UROS: variants seen among roughly 807,000 people sequenced by gnomAD.
The protein encoded by UROS is uroporphyrinogen III synthase, also known as uroporphyrinogen-III synthase.
UROS carries 18 observed loss-of-function variants against 33.0 expected under a neutral mutation model. That is an observed-to-expected ratio of 0.55 (90% CI 0.38 to 0.81). The LOEUF is 0.81. Among genes scored for constraint, UROS ranks in the 30% least tolerant of loss-of-function variants. The pLI, the probability that UROS is intolerant of heterozygous loss-of-function variation, is 0.00. For missense variants in UROS, 293 were observed against 314.9 expected, an observed-to-expected ratio of 0.93 and a Z score of 0.53; for synonymous variants, 114 against 121.1, an observed-to-expected ratio of 0.94 and a Z score of 0.38.
Position 125,788,855 on chromosome 10 carries a change from C to G in UROS, c.*13G>C. 1 of 1,576,252 alleles carries G rather than the reference C, an allele frequency of 6.3e-7. No individual in the cohort carries two copies. Among genetic ancestry groups the G allele is most frequent in the East Asian group, 2.3e-5 (1 of 43,242 alleles). ...CCAGGGAGGCTGCATGGGGCCAGCG[C>G]TAGGTGGCTGACTCAGCAGCAGCCA... On this transcript the variant is annotated 3_prime_UTR_variant, in exon 10 of 10. Coordinates refer to ENST00000368797, the MANE Select transcript of UROS (RefSeq NM_000375.3).
At chr10:125,803,895 G>A (rs533788224) in intron 6 of UROS, among the ~76,000 whole-genome samples, 1 of 152,260 alleles carries the variant, frequency 6.6e-6, no homozygotes, top group African/African-American at 2.4e-5. Context: ...GCCCTTCTCT[G>A]TGGAGAGGAG....
At position 125,788,875 on chromosome 10, in the gene UROS, C is replaced by A. The variant is rs201139760; in HGVS notation, c.791G>T (p.Cys264Phe). ...GIRKALQPHG[C>F]C ...CAGCGCTAGGTGGCTGACTCAGCAG[C>A]AGCCATGGGGCTGGAGAGCCTTCCT... The change falls in exon 10 of 10, where the codon TGC becomes TTC. Residue 264 changes from cysteine (C) to phenylalanine (F), a missense_variant. Physicochemically the swap from Cys to Phe is radical, Grantham distance 205. Transcript: ENST00000368797. 1.8e-5 allele frequency: 29 copies of A among 1,589,292 alleles called. No individual in the cohort carries two copies. The Admixed American group carries it at 5.2e-4, about 29-fold the overall frequency.
chr10:125,810,975 A>T (rs1162814517), intron 5 of UROS, among the ~76,000 whole-genome samples: 1 of 152,236 alleles, frequency 6.6e-6, no homozygotes, highest in African/African-American at 2.4e-5. Context: ...AACAGGGACC[A>T]GACTGAGTCC....
intron 5 of UROS, among the ~76,000 whole-genome samples, chr10:125,809,571 C>T (rs1045246879): frequency 3.3e-5 from 5 of 151,984 alleles, no homozygotes; most frequent in Non-Finnish European, 7.4e-5. Context: ...TGAATAACAT[C>T]GTTTCATTCA....
At chr10:125,820,882 A>G (rs1361082007) in intron 1 of UROS, among the ~76,000 whole-genome samples, 1 of 152,214 alleles carries the variant, frequency 6.6e-6, no homozygotes. Flanking sequence ...AGTGGTAAGC[A>G]ATCTACTACC....
intron 9 of UROS, 158 bp from the exon 10 acceptor site, chr10:125,789,163 C>A (rs779298332): frequency 2.1e-6 from 3 of 1,420,198 alleles, no homozygotes; most frequent in Non-Finnish European, 2.9e-6. Flanking sequence ...CGATTCTAGC[C>A]CAGCTTCTGA....
chr10:125,790,504 C>G (rs192072278), intron 9 of UROS, among the ~76,000 whole-genome samples: 1 of 152,268 alleles, frequency 6.6e-6, no homozygotes, highest in Admixed American at 6.5e-5. Context: ...AATCGTATGT[C>G]TGATAAAAAG....
intron 3 of UROS, 84 bp downstream of exon 3, chr10:125,816,093 G>T: frequency 7.8e-7 from 1 of 1,276,228 alleles, no homozygotes; most frequent in East Asian, 2.3e-5. Flanking sequence ...AAAATAAGAA[G>T]ACAGTAAAAT....
In UROS at chr10:125,823,243, A is replaced by C; in HGVS notation, c.-241T>G. On this transcript the variant is annotated 5_prime_UTR_variant, in exon 1 of 10. Transcript: ENST00000368797. Reference sequence around the variant, plus strand: ...GTCGCGTGGGTGGCTGCGCGCAGCTAGGCGCTCGCGCATGCGCACCGCCAT... The same window carrying C: ...GTCGCGTGGGTGGCTGCGCGCAGCTCGGCGCTCGCGCATGCGCACCGCCAT... 2.0e-5 allele frequency: 5 copies of C among 255,336 alleles called. No homozygotes were observed. Among genetic ancestry groups the C allele is most frequent in the African/African-American group, 2.2e-5 (1 of 44,598 alleles). 15.8% of individuals were successfully genotyped at this position (255,336 alleles called of 1,614,324 possible).
chr10:125,788,003 G>T (rs971171616), downstream of UROS, among the ~76,000 whole-genome samples: 9 of 152,144 alleles, frequency 5.9e-5, no homozygotes, highest in African/African-American at 2.2e-4. Context: ...CAGAAAAATG[G>T]AACAATAGGA....
chr10:125,803,890 T>C (rs1390781024), intron 6 of UROS, among the ~76,000 whole-genome samples: 1 of 152,248 alleles, frequency 6.6e-6, no homozygotes, highest in Non-Finnish European at 1.5e-5. Context: ...GGCCTGCCCT[T>C]CTCTGTGGAG....
chr10:125,788,877 G>T lies in UROS; in HGVS notation c.789C>A (p.Gly263=), dbSNP rs1850719990. 3.8e-6 allele frequency: 6 copies of T among 1,590,802 alleles called. No individual in the cohort carries two copies. Among genetic ancestry groups the T allele is most frequent in the Non-Finnish European group, 5.1e-6 (6 of 1,170,574 alleles). Residue 263 remains glycine (G), a synonymous_variant, in exon 10 of 10, where the codon GGC becomes GGA. Transcript: ENST00000368797. ...GCGCTAGGTGGCTGACTCAGCAGCA[G>T]CCATGGGGCTGGAGAGCCTTCCTGA... ...TGIRKALQPH[G]CC
chr10:125,789,376 A>G (rs1021453306), intron 9 of UROS: 1 of 1,183,198 alleles, frequency 8.5e-7, no homozygotes, highest in Non-Finnish European at 1.1e-6. Flanking sequence ...GATCAAGGGG[A>G]GGATGGTGTG....
At chr10:125,819,568 T>C (rs1853666009) in intron 1 of UROS, among the ~76,000 whole-genome samples, 1 of 152,102 alleles carries the variant, frequency 6.6e-6, no homozygotes, top group Non-Finnish European at 1.5e-5. Flanking sequence ...CTCTTGGCCA[T>C]ACGTGACTCT....
chr10:125,816,105 G>A, intron 3 of UROS, 72 bp downstream of exon 3: 1 of 1,382,832 alleles, frequency 7.2e-7, no homozygotes, highest in Non-Finnish European at 1.0e-6. Context: ...CAGTAAAATA[G>A]TCCCTCTCTG....
chr10:125,788,746 C>A lies in UROS; in HGVS notation c.*122G>T. On this transcript the variant is annotated 3_prime_UTR_variant, in exon 10 of 10. Coordinates refer to ENST00000368797, the MANE Select transcript of UROS (RefSeq NM_000375.3). ...CCGATCCCCGGTCCTCAGGTGCTTCCACTCAGGCTTGAGGCAGGAGTCTGA... is the reference window on the plus strand; with the variant it reads ...CCGATCCCCGGTCCTCAGGTGCTTCAACTCAGGCTTGAGGCAGGAGTCTGA... 2 of 1,453,138 alleles carry A rather than the reference C, an allele frequency of 1.4e-6. No individual in the cohort carries two copies. The highest frequency in any genetic ancestry group is 2.8e-5 in the African/African-American group (2 of 70,554). 90.0% of individuals were successfully genotyped at this position (1,453,138 alleles called of 1,614,324 possible). A position where few individuals can be genotyped will look rare whatever the true frequency, so the allele number is the denominator to read the frequency against.
chr10:125,797,886 G>C (rs951393890), intron 7 of UROS, among the ~76,000 whole-genome samples, 179 bp downstream of exon 7: 2 of 152,226 alleles, frequency 1.3e-5, no homozygotes, highest in East Asian at 3.9e-4. Flanking sequence ...AGAAAGGAAA[G>C]TGCAGACTGC....
intron 1 of UROS, among the ~76,000 whole-genome samples, chr10:125,820,804 C>T (rs1853808312): frequency 6.6e-6 from 1 of 152,186 alleles, no homozygotes; most frequent in Non-Finnish European, 1.5e-5. Flanking sequence ...TGCTCAGTCT[C>T]CTAACCACTT....
Position 125,794,820 on chromosome 10 carries a change from T to C in UROS, c.660+60A>G, listed in dbSNP as rs1045885464. The C allele has an allele frequency of 4.0e-6, 6 of 1,485,348 alleles. No homozygotes were observed. The African/African-American group carries it at 7.4e-5, about 18-fold the overall frequency. 92.0% of individuals were successfully genotyped at this position (1,485,348 alleles called of 1,614,324 possible). A position where few individuals can be genotyped will look rare whatever the true frequency, so the allele number is the denominator to read the frequency against. Reference sequence around the variant, plus strand: ...GACATTGAAGCCCTAGGATAATTCATAAAGATTAAAAAAAAAAAAAAGAAT... The same window carrying C: ...GACATTGAAGCCCTAGGATAATTCACAAAGATTAAAAAAAAAAAAAAGAAT... On this transcript the variant is annotated intron_variant, in intron 9 of 9. Transcript: ENST00000368797.
Sources: gnomAD v4.1 joint callset for allele counts (sites outside exome capture counted in the v4.1 genomes callset) on GRCh38, gnomAD v4.1.1 for gene constraint, MANE v1.5 for transcripts, NCBI Gene and HGNC (gene_info 2026-07-23, HGNC 2026-07-21) for gene names.